NTNG2: variants seen among roughly 807,000 people sequenced by gnomAD.
NTNG2 encodes the protein netrin G2.
NTNG2 carries 15 observed loss-of-function variants against 47.6 expected under a neutral mutation model. The ratio of observed to expected loss-of-function variants is 0.32; its 90% CI spans 0.21 to 0.49. The LOEUF (loss-of-function observed/expected upper bound fraction) is 0.49, where lower values mean the gene tolerates loss of function less well. Among genes scored for constraint, NTNG2 ranks in the 20% least tolerant of loss-of-function variants. The probability of loss-of-function intolerance (pLI) is 0.99; values close to 1 mark genes in which losing one functional copy is unlikely to be tolerated. For missense variants in NTNG2, 578 were observed against 764.6 expected (o/e 0.76, Z 2.88); for synonymous variants, 307 against 324.6 (o/e 0.95, Z 0.58).
rs574362233 is a variant in NTNG2, at chr9:132,200,139, A to G, written c.857+1530A>G. 2.6e-4 allele frequency among the ~76,000 whole-genome samples: 39 copies of G among 152,370 alleles called. No individual in the cohort carries two copies. The South Asian group carries it at 7.0e-3, about 28-fold the overall frequency. ...AAGCACACCGAACAGTGCCTGGCACATAATACGCACTAAAAAAAAGTGTTT... is the reference window on the plus strand; with the variant it reads ...AAGCACACCGAACAGTGCCTGGCACGTAATACGCACTAAAAAAAAGTGTTT... On this transcript the variant is annotated intron_variant, in intron 3 of 7. Transcript: ENST00000393229.
rs1840794100 is a variant in NTNG2, at chr9:132,226,836, G to C, written c.858-13G>C. The C allele has an allele frequency of 6.3e-7, 1 of 1,581,416 alleles. No homozygotes were observed. The highest frequency in any genetic ancestry group is 1.1e-5 in the South Asian group (1 of 87,418). ...AGCTCTCTGACATCTCTGCCCTCTC[G>C]GTGTCTCCCCAGGTGCAAGTGCAAC... is the stretch of plus-strand genomic sequence containing the variant. On this transcript the variant is annotated splice_polypyrimidine_tract_variant and intron_variant, in intron 3 of 7. Transcript: ENST00000393229. This position sits in a 1 kb window ranked among gnomAD's most constrained non-coding sequence, Gnocchi z 4.8.
intron 5 of NTNG2, chr9:132,233,736 CG>C (rs1841418835): frequency 6.6e-6 from 1 of 152,154 alleles, no homozygotes; most frequent in Non-Finnish European, 1.5e-5. Flanking sequence ...GGGCTGTGCT[CG>C]TATCATTGTA....
chr9:132,206,515 A>C (rs1839173659), intron 3 of NTNG2, among the ~76,000 whole-genome samples: 1 of 152,002 alleles, frequency 6.6e-6, no homozygotes, highest in Non-Finnish European at 1.5e-5. Flanking sequence ...AAAGATACAA[A>C]ATTTATCCAG....
Position 132,239,393 on chromosome 9 carries a change from A to C in NTNG2, c.1222+122A>C, listed in dbSNP as rs535954014. The C allele has an allele frequency of 4.3e-5, 38 of 893,498 alleles. No individual in the cohort carries two copies. In the Admixed American group the frequency reaches 8.4e-4, roughly 20 times the overall value. The allele number at this position is 893,498 out of a possible 1,614,324, so 55.3% of individuals were successfully genotyped here. A position where few individuals can be genotyped will look rare whatever the true frequency, so the allele number is the denominator to read the frequency against. On this transcript the variant is annotated intron_variant, in intron 6 of 7. Transcript: ENST00000393229. ...ACCTGGGGAGACTGTGGGAATTCTA[A>C]CTCCAGGGCCCTCTCCAGTTGAGCA...
At chr9:132,177,748 C>G (rs769384672) in intron 2 of NTNG2, among the ~76,000 whole-genome samples, 12 of 152,214 alleles carry the variant, frequency 7.9e-5, no homozygotes, top group Non-Finnish European at 1.8e-4. Context: ...ACCTCCCCCT[C>G]CCGGGTTCAA....
At chr9:132,168,914 C>T (rs1037294527) in intron 2 of NTNG2, among the ~76,000 whole-genome samples, 5 of 152,164 alleles carry the variant, frequency 3.3e-5, no homozygotes, top group East Asian at 1.9e-4. Flanking sequence ...GAGTCAAGTC[C>T]GAGGCCCTCT....
At chr9:132,164,903 A>G (rs1835396550) in intron 1 of NTNG2, among the ~76,000 whole-genome samples, 1 of 152,164 alleles carries the variant, frequency 6.6e-6, no homozygotes, top group African/African-American at 2.4e-5. Flanking sequence ...CAGGGCAGCA[A>G]GTGTCCGCCA....
intron 3 of NTNG2, among the ~76,000 whole-genome samples, chr9:132,219,946 A>G (rs1277299503): frequency 1.3e-5 from 2 of 152,204 alleles, no homozygotes; most frequent in East Asian, 3.8e-4. Context: ...GCACAATTTT[A>G]CATTCCCACC....
rs572069808 is a variant in NTNG2, at chr9:132,234,114, G to GC, written c.1054+3526dup. Among the ~76,000 whole-genome samples the GC allele has an allele frequency of 8.9e-3, 1,323 of 148,140 alleles. 8 individuals are homozygous for GC. Among genetic ancestry groups the GC allele is most frequent in the Non-Finnish European group, 0.015 (1,027 of 67,454 alleles). On this transcript the variant is annotated intron_variant, in intron 5 of 7. Coordinates refer to ENST00000393229, the MANE Select transcript of NTNG2 (RefSeq NM_032536.4). ...GCAATCTCAGCTCACTGCAACCTCC[G>GC]CCCCCCCAGGTTCAAGCAATTCTCC...
chr9:132,173,108 A>C (rs1437867897), intron 2 of NTNG2, among the ~76,000 whole-genome samples: 1 of 152,164 alleles, frequency 6.6e-6, no homozygotes, highest in African/African-American at 2.4e-5. Flanking sequence ...TCTCCACTGC[A>C]GTCCCTGTTC....
intron 3 of NTNG2, among the ~76,000 whole-genome samples, chr9:132,220,382 G>T (rs1443625746): frequency 6.7e-6 from 1 of 150,254 alleles, no homozygotes; most frequent in African/African-American, 2.4e-5. Flanking sequence ...TTCTTCTGTT[G>T]CTTTTGCTTT....
chr9:132,195,293 C>CT (rs1029890637), intron 2 of NTNG2, among the ~76,000 whole-genome samples: 3 of 151,230 alleles, frequency 2.0e-5, no homozygotes, highest in African/African-American at 4.8e-5. Flanking sequence ...GGGGATTTCT[C>CT]TTTTTTTTGT....
In NTNG2 at chr9:132,231,011, G is replaced by A. The variant is rs1351523188; in HGVS notation, c.1054+416G>A. On this transcript the variant is annotated intron_variant, in intron 5 of 7. Transcript: ENST00000393229. This position sits in a 1 kb window ranked among gnomAD's most constrained non-coding sequence, Gnocchi z 4.1. Reference sequence around the variant, plus strand: ...GCAGTCTCTCCTGCCAGTCAAGAGTGGGGTGACCTTCCCCCACCAGGGGCA... The same window carrying A: ...GCAGTCTCTCCTGCCAGTCAAGAGTAGGGTGACCTTCCCCCACCAGGGGCA... Among the ~76,000 whole-genome samples, 6 of 152,064 alleles carry A rather than the reference G, an allele frequency of 3.9e-5. No homozygotes were observed. The highest frequency in any genetic ancestry group is 3.9e-4 in the Admixed American group (6 of 15,274).
chr9:132,241,160 A>C, intron 7 of NTNG2, 116 bp downstream of exon 7: 24 of 983,282 alleles, frequency 2.4e-5, no homozygotes, highest in East Asian at 5.2e-5. Flanking sequence ...GCCTAGCAAG[A>C]CGGGGCAGGG....
chr9:132,205,162 C>A (rs1028191150), intron 3 of NTNG2, among the ~76,000 whole-genome samples: 2 of 152,150 alleles, frequency 1.3e-5, no homozygotes, highest in African/African-American at 4.8e-5. Flanking sequence ...CTTGTACACC[C>A]ATGTTTATAG....
At chr9:132,170,178 C>T (rs1296628377) in intron 2 of NTNG2, among the ~76,000 whole-genome samples, 2 of 152,320 alleles carry the variant, frequency 1.3e-5, no homozygotes, top group Admixed American at 6.5e-5. Flanking sequence ...ATGCGGGGTG[C>T]AGACCCTCTC....
At position 132,198,287 on chromosome 9, in the gene NTNG2, G is replaced by A. The variant is rs1389920746; in HGVS notation, c.535G>A (p.Ala179Thr). The change falls in exon 3 of 8, where the codon GCC (alanine) becomes ACC (threonine). Residue 179 changes from alanine to threonine, a missense_variant. Physicochemically the swap from Ala to Thr is moderately conservative, Grantham distance 58 (BLOSUM62 0). Transcript: ENST00000393229. ...EDCMEAFGMS[A>T]RRARDMSSSS... The stretch of plus-strand genomic sequence containing the variant: ...CTGCATGGAGGCCTTCGGTATGTCC[G>A]CCCGCCGGGCCCGCGACATGTCATC... 1.2e-6 allele frequency: 2 copies of A among 1,604,652 alleles called. No individual in the cohort carries two copies. Among genetic ancestry groups the A allele is most frequent in the Non-Finnish European group, 1.7e-6 (2 of 1,177,306 alleles).
intron 3 of NTNG2, among the ~76,000 whole-genome samples, chr9:132,216,945 T>A (rs1417720110): frequency 6.6e-6 from 1 of 152,174 alleles, no homozygotes; most frequent in Non-Finnish European, 1.5e-5. Flanking sequence ...GCAGCAGGCA[T>A]GGGGGCATCT....
At chr9:132,216,414 C>CTCTCTCTCTCTCTCTCTCTGTGTGTG in intron 3 of NTNG2, among the ~76,000 whole-genome samples, 1 of 110,288 alleles carries the variant, frequency 9.1e-6, no homozygotes, top group Non-Finnish European at 1.7e-5. Flanking sequence ...CTCTCTCTCT[C>CTCTCTCTCTCTCTCTCTCTGTGTGTG]TGTGTGTGTG....
Sources: gnomAD v4.1 joint callset for allele counts (sites outside exome capture counted in the v4.1 genomes callset) on GRCh38, gnomAD v4.1.1 for gene constraint, Gnocchi (gnomAD v3.1) non-coding constraint, MANE v1.5 for transcripts, NCBI Gene and HGNC (gene_info 2026-07-23, HGNC 2026-07-21) for gene names.